PLEKHA8: variants seen among roughly 807,000 people sequenced by gnomAD.
PLEKHA8 encodes pleckstrin homology domain-containing family A member 8.
In PLEKHA8, 36 loss-of-function variants were observed where a neutral mutation model predicts 68.2. The ratio of observed to expected loss-of-function variants is 0.53; its 90% confidence interval spans 0.40 to 0.70. The LOEUF (loss-of-function observed/expected upper bound fraction) is 0.70, where lower values mean the gene tolerates loss of function less well. PLEKHA8 is among the 30% of genes least tolerant of loss of function. The pLI, the probability that PLEKHA8 is intolerant of heterozygous loss-of-function variation, is 0.00. For missense variants in PLEKHA8, 505 were observed against 615.4 expected, an observed-to-expected ratio of 0.82 and a Z score of 1.90; for synonymous variants, 211 against 216.1, an observed-to-expected ratio of 0.98 and a Z score of 0.20.
chr7:30,101,667 G>A (rs1340853150), intron 13 of PLEKHA8, among the ~76,000 whole-genome samples: 2 of 152,156 alleles, frequency 1.3e-5, no homozygotes, highest in Non-Finnish European at 2.9e-5. Context: ...CAGAGATTCA[G>A]ACCATAGCAA....
At chr7:30,115,494 ATATG>A (rs932412359) in intron 13 of PLEKHA8, among the ~76,000 whole-genome samples, 71 of 150,890 alleles carry the variant, frequency 4.7e-4, no homozygotes, top group African/African-American at 1.6e-3. Context: ...GTATGTAGAC[ATATG>A]TATACATATG....
At position 30,110,910 on chromosome 7, in the gene PLEKHA8, GT is replaced by G. The variant is rs563375100; in HGVS notation, c.1363-18342del. 6.1e-3 allele frequency among the ~76,000 whole-genome samples: 829 copies of G among 136,792 alleles called. 6 individuals are homozygous for G. The highest frequency in any genetic ancestry group is 0.013 in the African/African-American group (471 of 37,446). 89.7% of individuals were successfully genotyped at this position (136,792 alleles called of 152,430 possible). On this transcript the variant is annotated intron_variant, in intron 13 of 13. Coordinates refer to the PLEKHA8 transcript ENST00000396257. ...TGTGGTGTTTTCTTATTTTGAGGTT[GT>G]TTTTTTTTTTTTTCACGGAGTCTCA...
chr7:30,046,830 GCTC>G (rs1791998480), intron 3 of PLEKHA8, among the ~76,000 whole-genome samples: 2 of 152,150 alleles, frequency 1.3e-5, no homozygotes, highest in African/African-American at 4.8e-5. Flanking sequence ...GCAACACCCT[GCTC>G]CTCCTCCCTT....
chr7:30,060,488 C>G (rs1230108693), intron 9 of PLEKHA8, among the ~76,000 whole-genome samples: 1 of 152,100 alleles, frequency 6.6e-6, no homozygotes, highest in African/African-American at 2.4e-5. Flanking sequence ...TTTGCAATCT[C>G]TTTTTCATAC....
chr7:30,056,742 AGTGTGTGTGTGTGTGT>A lies in PLEKHA8; in HGVS notation c.1039+1429_1039+1444del, dbSNP rs70980590. 5.5e-3 allele frequency among the ~76,000 whole-genome samples: 408 copies of A among 74,782 alleles called. 2 individuals are homozygous for A. Among genetic ancestry groups the A allele is most frequent in the African/African-American group, 0.02 (392 of 19,298 alleles). 49.1% of individuals were successfully genotyped at this position (74,782 alleles called of 152,430 possible). Reference sequence around the variant, plus strand: ...CCTGTCTCAAAAAAAAAAAAAAAAAAGTGTGTGTGTGTGTGTGTGTGTGTGTGTGTGTGTGTGTGTG... The same window carrying A: ...CCTGTCTCAAAAAAAAAAAAAAAAAAGTGTGTGTGTGTGTGTGTGTGTGTG... On this transcript the variant is annotated intron_variant, in intron 9 of 13. Coordinates refer to ENST00000449726, the MANE Select transcript of PLEKHA8 (RefSeq NM_001197026.2).
intron 13 of PLEKHA8, among the ~76,000 whole-genome samples, chr7:30,101,844 C>A (rs1178496817): frequency 6.6e-6 from 1 of 152,162 alleles, no homozygotes; most frequent in African/African-American, 2.4e-5. Flanking sequence ...TCAAATAGAT[C>A]TCAAGGTTCA....
chr7:30,069,460 T>A (rs184036423), intron 12 of PLEKHA8, among the ~76,000 whole-genome samples: 145 of 152,348 alleles, frequency 9.5e-4, no homozygotes, highest in African/African-American at 3.5e-3. Context: ...CTTTCCTGTA[T>A]ACAAAGTTCC....
intron 1 of PLEKHA8, among the ~76,000 whole-genome samples, chr7:30,043,742 T>G (rs1791724844): frequency 6.6e-6 from 1 of 152,162 alleles, no homozygotes; most frequent in Non-Finnish European, 1.5e-5. Context: ...TCCATAATCT[T>G]GGGCTGGGGG....
chr7:30,070,036 T>A (rs1399966875), intron 12 of PLEKHA8, among the ~76,000 whole-genome samples: 1 of 152,172 alleles, frequency 6.6e-6, no homozygotes, highest in East Asian at 1.9e-4. Context: ...GTAACCAAAA[T>A]AGGTCAGGCT....
rs79911935 is a variant in PLEKHA8, at chr7:30,104,295, C to T, written c.1363-24971C>T. Among the ~76,000 whole-genome samples the T allele has an allele frequency of 4.4e-3, 673 of 152,282 alleles. 4 individuals carry two copies. Among genetic ancestry groups the T allele is most frequent in the African/African-American group, 0.015 (608 of 41,554 alleles). ...TGATCTGGTAATTTCTTTTAAACTCCATGACCCAGCAATAACGCTGCTAGG... is the reference window on the plus strand; with the variant it reads ...TGATCTGGTAATTTCTTTTAAACTCTATGACCCAGCAATAACGCTGCTAGG... On this transcript the variant is annotated intron_variant, in intron 13 of 13. Transcript: ENST00000396257.
At chr7:30,098,098 C>A (rs551258860) in intron 13 of PLEKHA8, among the ~76,000 whole-genome samples, 45 of 152,342 alleles carry the variant, frequency 3.0e-4, no homozygotes, top group Middle Eastern at 3.4e-3. Context: ...CCACTCCAGA[C>A]CCTGTTTGCC....
intron 12 of PLEKHA8, among the ~76,000 whole-genome samples, chr7:30,070,687 G>C (rs1329415120): frequency 6.6e-6 from 1 of 151,556 alleles, no homozygotes; most frequent in African/African-American, 2.4e-5. Flanking sequence ...CTGGGATTAC[G>C]GGCACCCACC....
chr7:30,125,598 AG>A (rs1182081592), intron 13 of PLEKHA8, among the ~76,000 whole-genome samples: 2 of 152,232 alleles, frequency 1.3e-5, no homozygotes, highest in Non-Finnish European at 2.9e-5. Context: ...TGATGATATT[AG>A]ACAACAGTGT....
chr7:30,108,211 TAATGGTGTATTTTTAATAGACATTTCTGG>T (rs1437834319), intron 13 of PLEKHA8, among the ~76,000 whole-genome samples: 7 of 152,054 alleles, frequency 4.6e-5, no homozygotes, highest in Non-Finnish European at 7.4e-5. Context: ...TCCAATTTGG[TAATGGTGTATTTTTAATAGACATTTCTGG>T]AATCAGTTGC....
chr7:30,035,575 T>C (rs1005629846), intron 1 of PLEKHA8, among the ~76,000 whole-genome samples: 2 of 152,172 alleles, frequency 1.3e-5, no homozygotes, highest in Admixed American at 1.3e-4. Context: ...CTTTAACCTA[T>C]TTTTAAAAGT....
chr7:30,103,168 A>C (rs1734648268), intron 13 of PLEKHA8, among the ~76,000 whole-genome samples: 1 of 152,252 alleles, frequency 6.6e-6, no homozygotes, highest in African/African-American at 2.4e-5. Flanking sequence ...TTCGAATAAC[A>C]AAAATGTTCC....
chr7:30,057,327 G>T (rs1371963217), intron 9 of PLEKHA8, among the ~76,000 whole-genome samples: 4 of 152,182 alleles, frequency 2.6e-5, no homozygotes, highest in African/African-American at 7.2e-5. Context: ...ATGTTTTTGA[G>T]ATCCGTCCTT....
intron 11 of PLEKHA8, 111 bp downstream of exon 11, chr7:30,062,138 T>G: frequency 7.5e-7 from 1 of 1,330,660 alleles, no homozygotes; most frequent in East Asian, 2.5e-5. Flanking sequence ...CTAGTTGAAT[T>G]GTGTAGCCTT....
intron 13 of PLEKHA8, among the ~76,000 whole-genome samples, chr7:30,098,411 C>G (rs1795715551): frequency 6.6e-6 from 1 of 152,246 alleles, no homozygotes; most frequent in South Asian, 2.1e-4. Flanking sequence ...TTGTCTGTGC[C>G]CTGCCCCCAG....
Sources: gnomAD v4.1 joint callset for allele counts (sites outside exome capture counted in the v4.1 genomes callset) on GRCh38, gnomAD v4.1.1 for gene constraint, MANE v1.5 for transcripts, NCBI Gene and HGNC (gene_info 2026-07-23, HGNC 2026-07-21) for gene names.